The following ZNF503 variants were observed in gnomAD, a reference collection of about 807,000 sequenced individuals.
The protein encoded by ZNF503 is zinc finger protein 503.
Under a neutral mutation model 34.4 loss-of-function variants are expected in ZNF503, and 15 were observed. The observed-to-expected ratio is 0.44, with a 90% CI of 0.29 to 0.67. The LOEUF is 0.67. Ranked by LOEUF, ZNF503 falls within the 30% of genes least tolerant of loss-of-function variation. The probability of loss-of-function intolerance (pLI) is 0.13; values close to 1 mark genes in which losing one functional copy is unlikely to be tolerated. For missense variants in ZNF503, 1,007 were observed against 926.8 expected (o/e 1.09, Z -1.12); for synonymous variants, 580 against 456.8 (o/e 1.27, Z -3.44).
chr10:75,395,387 C>T (rs1053629732), downstream of ZNF503, among the ~76,000 whole-genome samples: 8 of 152,196 alleles, frequency 5.3e-5, no homozygotes, highest in Non-Finnish European at 1.0e-4. The surrounding 1 kb of genome is among the most constrained non-coding windows in gnomAD (Gnocchi z 4.4). Context: ...CAAAGCCACG[C>T]GAAAGTGGAA....
chr10:75,283,553 C>T, the ZNF503 span, among the ~76,000 whole-genome samples: 19 of 152,214 alleles, frequency 1.2e-4, no homozygotes, highest in South Asian at 3.1e-3. Context: ...CTGTCGTCCC[C>T]TGTATGTTTC....
the ZNF503 span, among the ~76,000 whole-genome samples, chr10:75,370,934 G>C: frequency 1.3e-5 from 2 of 151,924 alleles, no homozygotes; most frequent in Admixed American, 1.3e-4. Flanking sequence ...GCTGTTTTAT[G>C]CTGGATGCCT....
the ZNF503 span, among the ~76,000 whole-genome samples, chr10:75,285,149 G>A: frequency 1.3e-5 from 2 of 152,322 alleles, no homozygotes; most frequent in East Asian, 3.9e-4. Context: ...TGCTTATTAT[G>A]TGCCAGGCAC....
At position 75,399,835 on chromosome 10, in the gene ZNF503, G is replaced by A. The variant is rs1291969160; in HGVS notation, c.855C>T (p.Ser285=). 3 of 1,604,208 alleles carry A rather than the reference G, an allele frequency of 1.9e-6. No individual in the cohort carries two copies. The highest frequency in any genetic ancestry group is 2.2e-5 in the East Asian group (1 of 44,506). Residue 285 remains serine, a synonymous_variant, in exon 2 of 2, where the codon AGC becomes AGT. Transcript: ENST00000372524. ...GPTGLAHGRI[S]CGGGINVDVN... ...CATCCACATTAATCCCGCCGCCGCA[G>A]CTAATCCGGCCGTGTGCCAGCCCCG...
chr10:75,298,010 A>AC, the ZNF503 span, among the ~76,000 whole-genome samples: 1 of 152,214 alleles, frequency 6.6e-6, no homozygotes, highest in East Asian at 1.9e-4. Context: ...TGAACAATCC[A>AC]ATGATTTTTT....
At chr10:75,375,755 G>T in the ZNF503 span, among the ~76,000 whole-genome samples, 1 of 152,322 alleles carries the variant, frequency 6.6e-6, no homozygotes, top group African/African-American at 2.4e-5. Flanking sequence ...GGCCTCAAGT[G>T]ATCTGCCCAC....
chr10:75,300,704 C>CTTTTTTTTTTTTT, the ZNF503 span, among the ~76,000 whole-genome samples: 10 of 108,734 alleles, frequency 9.2e-5, no homozygotes, highest in Admixed American at 2.1e-4. Context: ...TTCTTTCTTT[C>CTTTTTTTTTTTTT]TTTTTTTTTT....
chr10:75,338,734 T>A, the ZNF503 span, among the ~76,000 whole-genome samples: 1 of 152,102 alleles, frequency 6.6e-6, no homozygotes. Flanking sequence ...AAGGAAATAA[T>A]GGAAGGTGTC....
the ZNF503 span, among the ~76,000 whole-genome samples, chr10:75,390,985 G>T: frequency 6.6e-6 from 1 of 152,136 alleles, no homozygotes; most frequent in African/African-American, 2.4e-5. Flanking sequence ...GTGGGAGGTT[G>T]GTGGTGTCTC....
chr10:75,395,446 G>A (rs1421645963), downstream of ZNF503, among the ~76,000 whole-genome samples: 1 of 152,152 alleles, frequency 6.6e-6, no homozygotes, highest in Non-Finnish European at 1.5e-5. The surrounding 1 kb of genome is among the most constrained non-coding windows in gnomAD (Gnocchi z 4.4). Context: ...CGCGCTGGCC[G>A]GGGTTCCAGG....
the ZNF503 span, among the ~76,000 whole-genome samples, chr10:75,323,193 C>T: frequency 8.1e-4 from 123 of 152,216 alleles, no homozygotes; most frequent in African/African-American, 2.8e-3. Flanking sequence ...TTGTATGAAT[C>T]GATAGTTTGT....
At chr10:75,368,696 A>G in the ZNF503 span, among the ~76,000 whole-genome samples, 56,283 of 152,112 alleles carry the variant, frequency 0.37, 10,762 homozygotes, top group Middle Eastern at 0.53. Context: ...AGGCTCACAG[A>G]GATCCCTGCA....
chr10:75,382,592 G>A, the ZNF503 span: 1 of 428,578 alleles, frequency 2.3e-6, no homozygotes, highest in Non-Finnish European at 4.5e-6. Flanking sequence ...TTCTTGTTTA[G>A]GATCACATTT....
the ZNF503 span, among the ~76,000 whole-genome samples, chr10:75,375,016 C>T: frequency 0.025 from 3,846 of 152,216 alleles, 155 homozygotes; most frequent in African/African-American, 0.089. Flanking sequence ...ATTAGCTGCT[C>T]GGTGGCCAGA....
chr10:75,281,038 G>A, the ZNF503 span, among the ~76,000 whole-genome samples: 3 of 152,146 alleles, frequency 2.0e-5, no homozygotes, highest in Non-Finnish European at 4.4e-5. Context: ...CACAAAGCCT[G>A]CTGTGTGATA....
chr10:75,399,844 G>A lies in ZNF503; in HGVS notation c.846C>T (p.Gly282=). 2 of 1,604,402 alleles carry A rather than the reference G, an allele frequency of 1.2e-6. No homozygotes were observed. Among genetic ancestry groups the A allele is most frequent in the Non-Finnish European group, 8.5e-7 (1 of 1,176,842 alleles). Residue 282 remains glycine (G), a synonymous_variant, in exon 2 of 2, where the codon GGC becomes GGT. Coordinates refer to ENST00000372524, the MANE Select transcript of ZNF503 (RefSeq NM_032772.6). ...TAATCCCGCCGCCGCAGCTAATCCGGCCGTGTGCCAGCCCCGTGGGTCCCC... is the reference window on the plus strand; with the variant it reads ...TAATCCCGCCGCCGCAGCTAATCCGACCGTGTGCCAGCCCCGTGGGTCCCC... ...AEGGPTGLAH[G]RISCGGGINV... is the part of the protein sequence containing the mutation.
the ZNF503 span, among the ~76,000 whole-genome samples, chr10:75,329,808 A>G: frequency 9.2e-5 from 14 of 152,262 alleles, no homozygotes; most frequent in African/African-American, 3.4e-4. Flanking sequence ...CATATCTGCA[A>G]ACAGGGACAG....
chr10:75,290,772 C>T, the ZNF503 span, among the ~76,000 whole-genome samples: 1 of 152,164 alleles, frequency 6.6e-6, no homozygotes, highest in East Asian at 1.9e-4. Flanking sequence ...ACTGAGGCTG[C>T]CAAAGTCGTT....
the ZNF503 span, among the ~76,000 whole-genome samples, chr10:75,311,875 C>T: frequency 1.3e-5 from 2 of 151,850 alleles, no homozygotes; most frequent in African/African-American, 4.8e-5. Context: ...GTAGCTGGGA[C>T]TACAGGCGTG....
Sources: allele counts gnomAD v4.1 joint callset (sites outside exome capture counted in the v4.1 genomes callset), GRCh38; gene constraint gnomAD v4.1.1; non-coding constraint Gnocchi (gnomAD v3.1); transcripts MANE v1.5; gene names NCBI Gene and HGNC (gene_info 2026-07-23, HGNC 2026-07-21).